Variants in SLMAP observed in about 807,000 individuals in gnomAD.
SLMAP encodes the protein sarcolemmal membrane-associated protein.
Under a neutral mutation model 128.8 loss-of-function variants are expected in SLMAP, and 44 were observed. The observed-to-expected ratio is 0.34, with a 90% confidence interval of 0.27 to 0.44. The LOEUF (loss-of-function observed/expected upper bound fraction) is 0.44, where lower values mean the gene tolerates loss of function less well. Ranked by LOEUF, SLMAP falls within the 20% of genes least tolerant of loss-of-function variation. The pLI is 1.00. For synonymous variants in SLMAP, 327 were observed against 348.8 expected (o/e 0.94, Z 0.70); for missense variants, 787 against 985.3 (o/e 0.80, Z 2.69).
intron 13 of SLMAP, among the ~76,000 whole-genome samples, chr3:57,869,643 TATATATATATATATATA>T (rs911238673): frequency 7.7e-6 from 1 of 129,708 alleles, no homozygotes. Flanking sequence ...TATATATATA[TATATATATATATATATA>T]ATATATATAA....
intron 2 of SLMAP, among the ~76,000 whole-genome samples, chr3:57,812,268 C>G (rs1448268985): frequency 6.6e-6 from 1 of 152,172 alleles, no homozygotes; most frequent in Non-Finnish European, 1.5e-5. Context: ...ACGTTAGGCT[C>G]CAACTTCATT....
chr3:57,806,019 G>GTT (rs112175858), intron 2 of SLMAP, among the ~76,000 whole-genome samples: 1 of 146,266 alleles, frequency 6.8e-6, no homozygotes, highest in African/African-American at 2.5e-5. Flanking sequence ...GTAAAACAGG[G>GTT]TTTTTTTTTT....
chr3:57,900,239 G>A (rs1252325838), intron 17 of SLMAP: 1 of 151,684 alleles, frequency 6.6e-6, no homozygotes, highest in African/African-American at 2.4e-5. Context: ...TATTGTGTAC[G>A]ACTTGTCACA....
At chr3:57,760,933 G>A (rs2078504388) in intron 2 of SLMAP, among the ~76,000 whole-genome samples, 1 of 151,880 alleles carries the variant, frequency 6.6e-6, no homozygotes, top group Non-Finnish European at 1.5e-5. Context: ...CTCCATGTTG[G>A]TCAGGCTGGT....
intron 13 of SLMAP, among the ~76,000 whole-genome samples, chr3:57,865,635 AC>A (rs1380932036): frequency 6.6e-6 from 1 of 151,816 alleles, no homozygotes; most frequent in Non-Finnish European, 1.5e-5. Flanking sequence ...GTGATACTTG[AC>A]CCCCATTTAA....
At chr3:57,836,264 G>T (rs1046204789) in intron 3 of SLMAP, among the ~76,000 whole-genome samples, 2 of 152,000 alleles carry the variant, frequency 1.3e-5, no homozygotes, top group African/African-American at 4.8e-5. Flanking sequence ...AATTAAAAGG[G>T]AAAGGTTACT....
chr3:57,799,282 C>A (rs2087579773), intron 2 of SLMAP, among the ~76,000 whole-genome samples: 1 of 152,218 alleles, frequency 6.6e-6, no homozygotes, highest in Admixed American at 6.5e-5. Context: ...GGTAGTGTGT[C>A]TTCTGGCTTG....
At chr3:57,804,869 G>A (rs11706707) in intron 2 of SLMAP, among the ~76,000 whole-genome samples, 8,829 of 152,228 alleles carry the variant, frequency 0.058, 350 homozygotes, top group Middle Eastern at 0.1. Flanking sequence ...ATACATCTGT[G>A]TTTGATCCTT....
chr3:57,915,817 G>C (rs900106876), intron 21 of SLMAP, among the ~76,000 whole-genome samples: 3 of 152,170 alleles, frequency 2.0e-5, no homozygotes, highest in African/African-American at 7.2e-5. Flanking sequence ...ATATCAAGCT[G>C]TTCTCCACAT....
At chr3:57,811,022 T>C (rs1421078740) in intron 2 of SLMAP, among the ~76,000 whole-genome samples, 1 of 152,174 alleles carries the variant, frequency 6.6e-6, no homozygotes, top group Non-Finnish European at 1.5e-5. Context: ...TGAGACTTCT[T>C]CCCCTGAACT....
intron 24 of SLMAP, 143 bp from the exon 25 acceptor site, chr3:57,927,153 T>C (rs1445371890): frequency 8.8e-6 from 4 of 452,424 alleles, no homozygotes; most frequent in African/African-American, 2.0e-5. Context: ...TTTTTTTTCT[T>C]TTCAAACTTT....
At chr3:57,869,662 T>TATA (rs2095435060) in intron 13 of SLMAP, among the ~76,000 whole-genome samples, 1 of 113,376 alleles carries the variant, frequency 8.8e-6, no homozygotes, top group Non-Finnish European at 1.9e-5. Flanking sequence ...ATATATATAA[T>TATA]ATATATAAAC....
chr3:57,827,732 G>T (rs752935735), intron 2 of SLMAP, among the ~76,000 whole-genome samples: 1 of 152,192 alleles, frequency 6.6e-6, no homozygotes, highest in South Asian at 2.1e-4. Flanking sequence ...AAGAAAGATA[G>T]TTAAGACTTC....
intron 2 of SLMAP, among the ~76,000 whole-genome samples, chr3:57,811,307 G>A (rs2090936929): frequency 6.6e-6 from 1 of 152,010 alleles, no homozygotes; most frequent in South Asian, 2.1e-4. Flanking sequence ...TTGGACCCCT[G>A]AAACTACCTC....
intron 21 of SLMAP, among the ~76,000 whole-genome samples, chr3:57,914,793 G>A (rs1371952083): frequency 6.6e-6 from 1 of 151,872 alleles, no homozygotes; most frequent in Non-Finnish European, 1.5e-5. Flanking sequence ...TGTTGGTTAG[G>A]CTGTTCTCAA....
In SLMAP at chr3:57,928,947, A is replaced by G. The variant is rs922985661; in HGVS notation, c.*1658A>G. On this transcript the variant is annotated 3_prime_UTR_variant, in exon 25 of 25. Transcript: ENST00000671191. ...TTGCAGGAAGCCACTCCACCACAGA[A>G]TGCTAATATGCCAGTGGTACCCAGT... The G allele has an allele frequency of 3.9e-5, 6 of 152,638 alleles. No homozygotes were observed. Among genetic ancestry groups the G allele is most frequent in the African/African-American group, 1.4e-4 (6 of 41,474 alleles). The allele number at this position is 152,638 out of a possible 1,614,324, so 9.5% of individuals were successfully genotyped here.
chr3:57,781,167 T>C (rs928120964), intron 2 of SLMAP, among the ~76,000 whole-genome samples: 1 of 151,984 alleles, frequency 6.6e-6, no homozygotes, highest in Non-Finnish European at 1.5e-5. Flanking sequence ...TGTAGTGAGC[T>C]ATGATTGCAC....
intron 24 of SLMAP, among the ~76,000 whole-genome samples, chr3:57,926,769 T>C (rs1190591148): frequency 1.3e-5 from 2 of 152,224 alleles, no homozygotes; most frequent in Non-Finnish European, 2.9e-5. Context: ...ATCCCTAATG[T>C]TACTTTTCCA....
At chr3:57,840,180 C>T (rs148777872) in intron 3 of SLMAP, among the ~76,000 whole-genome samples, 2,570 of 152,276 alleles carry the variant, frequency 0.017, 63 homozygotes, top group African/African-American at 0.059. Flanking sequence ...TCTCAAACTC[C>T]TGACCTCAGG....
Sources: gnomAD v4.1 joint callset for allele counts (sites outside exome capture counted in the v4.1 genomes callset) on GRCh38, gnomAD v4.1.1 for gene constraint, MANE v1.5 for transcripts, NCBI Gene and HGNC (gene_info 2026-07-23, HGNC 2026-07-21) for gene names.